Variants in SETD5 observed in about 807,000 individuals in gnomAD.
SETD5 encodes SET domain containing 5, also known as histone-lysine N-methyltransferase SETD5.
SETD5 carries 44 observed loss-of-function variants against 153.3 expected under a neutral mutation model. The observed-to-expected ratio is 0.29, with a 90% CI of 0.23 to 0.37. The LOEUF is 0.37. SETD5 is among the 10% of genes least tolerant of loss of function. The probability of loss-of-function intolerance (pLI) is 1.00; values close to 1 mark genes in which losing one functional copy is unlikely to be tolerated. For synonymous variants in SETD5, 716 were observed against 645.2 expected (o/e 1.11, Z -1.66); for missense variants, 1,544 against 1,768.0 (o/e 0.87, Z 2.27).
intron 3 of SETD5, 30 bp downstream of exon 3, chr3:9,429,039 AT>A: frequency 3.9e-6 from 6 of 1,539,214 alleles, no homozygotes; most frequent in Non-Finnish European, 5.4e-6. Context: ...TAGTAGGTAC[AT>A]TATCAGTCTG....
rs376761696 is a variant in SETD5 at position 9,447,697 on chromosome 3, A to G, written c.1794A>G (p.Ala598=). The change falls in exon 15 of 23, where the codon GCA becomes GCG. Residue 598 remains alanine (A), a synonymous_variant. Coordinates refer to ENST00000402198, the MANE Select transcript of SETD5 (RefSeq NM_001080517.3). The stretch of plus-strand genomic sequence containing the variant: ...TACTATTGCTACAGGATATTGCTGC[A>G]GAAAAACTAGTCCCCAAGCCACCTC... ...RRSSQAGDIA[A]EKLVPKPPPA... The G allele has an allele frequency of 9.0e-4, 1,455 of 1,613,848 alleles. 2 individuals carry two copies. The highest frequency in any genetic ancestry group is 1.2e-3 in the Non-Finnish European group (1,359 of 1,179,762).
chr3:9,473,323 A>C lies in SETD5; in HGVS notation c.3283A>C (p.Lys1095Gln). 6.2e-7 allele frequency: 1 copy of C among 1,614,012 alleles called. No individual in the cohort carries two copies. Among genetic ancestry groups the C allele is most frequent in the Non-Finnish European group, 8.5e-7 (1 of 1,179,902 alleles). Residue 1095 changes from lysine to glutamine, a missense_variant, in exon 20 of 23, where the codon AAG becomes CAG. Lys to Gln is a moderately conservative substitution (Grantham distance 53). Around this residue, in one of 9 missense-constraint regions of SETD5, gnomAD observed 93 missense variants for 93.4 expected, o/e 1.00. Transcript: ENST00000402198. ...GGGDSAQSKS[K>Q]SAGAGQGSSN... ...AGGTGACTCTGCACAGAGCAAAAGC[A>C]AGTCTGCAGGAGCTGGGCAAGGCAG... is the stretch of plus-strand genomic sequence containing the variant.
In SETD5 at chr3:9,445,965, G is replaced by GTT. The variant is rs376821559; in HGVS notation, c.1524+247_1524+248dup. ...TATCTAGTGATGGTTTGAAGAGGTTGTTTTTTTTTTTTTTTTTTTTTTTAC... is the reference window on the plus strand; with the variant it reads ...TATCTAGTGATGGTTTGAAGAGGTTGTTTTTTTTTTTTTTTTTTTTTTTTTAC... On this transcript the variant is annotated intron_variant, in intron 13 of 22. Coordinates refer to ENST00000402198, the MANE Select transcript of SETD5 (RefSeq NM_001080517.3). 3.0e-3 allele frequency among the ~76,000 whole-genome samples: 258 copies of GTT among 86,418 alleles called. 5 individuals are homozygous for GTT. Among genetic ancestry groups the GTT allele is most frequent in the South Asian group, 7.9e-3 (21 of 2,666 alleles). 56.7% of individuals were successfully genotyped at this position (86,418 alleles called of 152,430 possible).
intron 1 of SETD5, among the ~76,000 whole-genome samples, chr3:9,403,286 TTAAAA>T (rs2035114880): frequency 6.6e-6 from 1 of 152,046 alleles, no homozygotes; most frequent in African/African-American, 2.4e-5. Context: ...TCTGTATAGG[TTAAAA>T]TAAAATAAAT....
chr3:9,422,837 C>G (rs2038609580), intron 1 of SETD5, among the ~76,000 whole-genome samples: 1 of 152,204 alleles, frequency 6.6e-6, no homozygotes, highest in Admixed American at 6.5e-5. Context: ...AATTGTTTCT[C>G]TGGCAGCAGA....
At chr3:9,413,898 C>T (rs1418017760) in intron 1 of SETD5, among the ~76,000 whole-genome samples, 3 of 152,018 alleles carry the variant, frequency 2.0e-5, no homozygotes, top group Non-Finnish European at 1.5e-5. Context: ...CTACCTCAGC[C>T]TCCCAAGTAG....
intron 17 of SETD5, among the ~76,000 whole-genome samples, chr3:9,458,794 C>T (rs1189576194): frequency 6.6e-6 from 1 of 152,008 alleles, no homozygotes; most frequent in African/African-American, 2.4e-5. Context: ...AATCCTTAAC[C>T]TAGTAGTCGT....
At position 9,428,981 on chromosome 3, in the gene SETD5, T is replaced by A; in HGVS notation, c.43T>A (p.Ser15Thr). ...IPLGVTTSDT[S>T]YSDMAAGSDP... ...TCTGGGAGTCACCACATCAGATACA[T>A]CCTACTCAGATATGGCTGCTGGATC... The change falls in exon 3 of 23, where the codon TCC (serine) becomes ACC (threonine). Residue 15 changes from serine (S) to threonine (T), a missense_variant. By Grantham distance (58) the Ser-to-Thr change is moderately conservative. Coordinates refer to ENST00000402198, the MANE Select transcript of SETD5 (RefSeq NM_001080517.3). The A allele has an allele frequency of 6.2e-7, 1 of 1,613,264 alleles. No homozygotes were observed. The highest frequency in any genetic ancestry group is 8.5e-7 in the Non-Finnish European group (1 of 1,179,484).
intron 17 of SETD5, among the ~76,000 whole-genome samples, chr3:9,459,322 G>A (rs2043642263): frequency 6.6e-6 from 1 of 152,082 alleles, no homozygotes; most frequent in Non-Finnish European, 1.5e-5. Flanking sequence ...TTATCTGCTT[G>A]TGCACATACT....
At chr3:9,432,529 A>G (rs1260732578) in intron 3 of SETD5, among the ~76,000 whole-genome samples, 1 of 152,148 alleles carries the variant, frequency 6.6e-6, no homozygotes, top group African/African-American at 2.4e-5. Flanking sequence ...AGTTATACCA[A>G]TCATCGGAGT....
intron 16 of SETD5, among the ~76,000 whole-genome samples, chr3:9,453,112 T>C (rs1322848073): frequency 6.6e-6 from 1 of 152,182 alleles, no homozygotes; most frequent in African/African-American, 2.4e-5. Context: ...TTTCCCTTTT[T>C]TTTGATTTCT....
At chr3:9,459,146 G>C (rs77426662) in intron 17 of SETD5, among the ~76,000 whole-genome samples, 214 of 152,292 alleles carry the variant, frequency 1.4e-3, no homozygotes, top group Non-Finnish European at 2.4e-3. Context: ...GAGGTCAGGT[G>C]AACATGGCGG....
In SETD5 at chr3:9,447,117, G is replaced by A. The variant is rs1257894154; in HGVS notation, c.1592G>A (p.Arg531Gln). ...AFENLEKRKK[R>Q]RDQPLEQSNS... Reference sequence around the variant, plus strand: ...GAAAACTTAGAGAAAAGAAAGAAGCGGCGGGATCAGCCCTTGGAACAGAGC... The same window carrying A: ...GAAAACTTAGAGAAAAGAAAGAAGCAGCGGGATCAGCCCTTGGAACAGAGC... The change falls in exon 14 of 23, where the codon CGG becomes CAG. Residue 531 changes from arginine (R) to glutamine (Q), a missense_variant. Arg to Gln is a conservative substitution (Grantham distance 43). Around this residue, in one of 9 missense-constraint regions of SETD5, gnomAD observed 782 missense variants for 787.2 expected, o/e 0.99. Coordinates refer to ENST00000402198, the MANE Select transcript of SETD5 (RefSeq NM_001080517.3). The A allele has an allele frequency of 8.1e-6, 13 of 1,613,750 alleles. No homozygotes were observed. Among genetic ancestry groups the A allele is most frequent in the South Asian group, 3.3e-5 (3 of 91,078 alleles).
At chr3:9,421,183 A>G (rs1323757612) in intron 1 of SETD5, among the ~76,000 whole-genome samples, 2 of 152,192 alleles carry the variant, frequency 1.3e-5, no homozygotes, top group Non-Finnish European at 2.9e-5. Flanking sequence ...AACACAATGA[A>G]GATTTTACTT....
Position 9,461,515 on chromosome 3 carries a change from A to AAAT in SETD5, c.2477-2898_2477-2896dup, listed in dbSNP as rs970503720. ...TGGTAATTTTTTGAGTAAAGGTGAAAAATAATAATAATAAAAGATGGATAG... is the reference window on the plus strand; with the variant it reads ...TGGTAATTTTTTGAGTAAAGGTGAAAAATAATAATAATAATAAAAGATGGATAG... On this transcript the variant is annotated intron_variant, in intron 17 of 22. Transcript: ENST00000402198. 9.9e-5 allele frequency among the ~76,000 whole-genome samples: 15 copies of AAAT among 152,284 alleles called. No homozygotes were observed. In the East Asian group the frequency reaches 2.3e-3, roughly 23 times the overall value.
intron 1 of SETD5, among the ~76,000 whole-genome samples, chr3:9,420,612 G>T (rs772639538): frequency 2.2e-4 from 34 of 152,118 alleles, no homozygotes; most frequent in Non-Finnish European, 3.4e-4. Context: ...CTGTCTCTCA[G>T]TGCTTACCCC....
At chr3:9,461,791 C>T (rs1446629960) in intron 17 of SETD5, among the ~76,000 whole-genome samples, 2 of 152,152 alleles carry the variant, frequency 1.3e-5, no homozygotes, top group Admixed American at 1.3e-4. Context: ...ACATAATTGA[C>T]TTTGATAGTT....
At chr3:9,432,402 C>A in intron 3 of SETD5, 2 of 406,748 alleles carry the variant, frequency 4.9e-6, no homozygotes, top group Non-Finnish European at 6.6e-6. Flanking sequence ...GAACTGCACA[C>A]TTATTCCTGC....
At chr3:9,439,367 T>A (rs1249560846) in intron 7 of SETD5, among the ~76,000 whole-genome samples, 2 of 152,208 alleles carry the variant, frequency 1.3e-5, no homozygotes, top group African/African-American at 4.8e-5. Context: ...TCAGCAACAG[T>A]GATGCAAAAG....
Sources: gnomAD v4.1 joint callset for allele counts (sites outside exome capture counted in the v4.1 genomes callset) on GRCh38, gnomAD v4.1.1 for gene constraint, gnomAD v4.1.1 regional missense constraint, MANE v1.5 for transcripts, NCBI Gene and HGNC (gene_info 2026-07-23, HGNC 2026-07-21) for gene names.